Variants in CCDC178 observed in about 807,000 individuals in gnomAD.
CCDC178 encodes coiled-coil domain containing 178.
A neutral mutation model predicts 117.4 loss-of-function variants in CCDC178; 126 were observed. The observed-to-expected ratio is 1.07, with a 90% confidence interval of 0.93 to 1.24. CCDC178 has a LOEUF of 1.24. Ranked by LOEUF, CCDC178 falls within the 50% of genes most tolerant of loss-of-function variation. The pLI is 0.00. For missense variants in CCDC178, 1,030 were observed against 986.9 expected (o/e 1.04, Z -0.59); for synonymous variants, 283 against 313.4 (o/e 0.90, Z 1.02).
intron 4 of CCDC178, among the ~76,000 whole-genome samples, chr18:33,395,505 A>G (rs1411409105): frequency 6.6e-6 from 1 of 152,098 alleles, no homozygotes; most frequent in Non-Finnish European, 1.5e-5. Context: ...CACTAAATAT[A>G]CAAAAATAAA....
intron 5 of CCDC178, among the ~76,000 whole-genome samples, chr18:33,385,462 C>T (rs745420321): frequency 6.6e-6 from 1 of 152,030 alleles, no homozygotes; most frequent in Non-Finnish European, 1.5e-5. Flanking sequence ...ATAATTGGAA[C>T]TAAAACACTC....
chr18:33,323,635 T>C lies in CCDC178; in HGVS notation c.880-2A>G, dbSNP rs2145010701. 1 of 1,470,408 alleles carries C rather than the reference T, an allele frequency of 6.8e-7. No individual in the cohort carries two copies. Among genetic ancestry groups the C allele is most frequent in the Non-Finnish European group, 9.0e-7 (1 of 1,110,216 alleles). 91.1% of individuals were successfully genotyped at this position (1,470,408 alleles called of 1,614,324 possible). ...AACTTTTCTGTGTAGGTCCATTACC[T>C]AGAAATGAAAATATTTTTGCTTATA... is the stretch of plus-strand genomic sequence containing the variant. On this transcript the variant is annotated splice_acceptor_variant, in intron 10 of 22. Coordinates refer to ENST00000383096, the MANE Select transcript of CCDC178 (RefSeq NM_001105528.4). LOFTEE classifies it high-confidence loss of function.
chr18:33,440,824 T>G (rs868114058), upstream of CCDC178: 164 of 153,810 alleles, frequency 1.1e-3, no homozygotes, highest in South Asian at 3.2e-3. Flanking sequence ...GCTCGAGCCC[T>G]TAGCCCCCGA....
chr18:33,130,286 A>G (rs1055833499), intron 20 of CCDC178, among the ~76,000 whole-genome samples: 6 of 151,930 alleles, frequency 3.9e-5, no homozygotes, highest in African/African-American at 1.4e-4. Flanking sequence ...CAACTGTAGT[A>G]TTTTCATTTT....
chr18:33,323,856 T>A (rs1408760743), intron 10 of CCDC178, among the ~76,000 whole-genome samples: 1 of 151,808 alleles, frequency 6.6e-6, no homozygotes. Flanking sequence ...CAAGTTAACA[T>A]GTCCAAAATG....
At chr18:33,285,031 A>G (rs2060080887) in intron 12 of CCDC178, among the ~76,000 whole-genome samples, 1 of 152,150 alleles carries the variant, frequency 6.6e-6, no homozygotes, top group Non-Finnish European at 1.5e-5. Context: ...TTGTAACCAT[A>G]AAAGTACATA....
chr18:33,268,096 A>G (rs769667486), intron 12 of CCDC178, among the ~76,000 whole-genome samples: 2 of 151,826 alleles, frequency 1.3e-5, no homozygotes, highest in African/African-American at 4.8e-5. Flanking sequence ...TTCTCCCAAC[A>G]TTACTGTAAA....
chr18:33,294,621 A>G (rs1245818879), intron 11 of CCDC178, among the ~76,000 whole-genome samples: 2 of 152,186 alleles, frequency 1.3e-5, no homozygotes, highest in African/African-American at 2.4e-5. Flanking sequence ...GGCAAGAACA[A>G]CATTCTTTAC....
At chr18:33,358,710 G>A (rs986255885) in intron 6 of CCDC178, among the ~76,000 whole-genome samples, 22 of 151,710 alleles carry the variant, frequency 1.5e-4, no homozygotes, top group Admixed American at 9.2e-4. Flanking sequence ...TAGCATTGTG[G>A]TATGGAAATT....
At chr18:33,143,323 G>A (rs1362660387) in intron 20 of CCDC178, among the ~76,000 whole-genome samples, 1 of 152,066 alleles carries the variant, frequency 6.6e-6, no homozygotes, top group Non-Finnish European at 1.5e-5. Flanking sequence ...ACACATAGAA[G>A]CATCACAAAA....
chr18:33,238,950 T>G (rs969944144), intron 15 of CCDC178, among the ~76,000 whole-genome samples: 7 of 151,978 alleles, frequency 4.6e-5, no homozygotes, highest in African/African-American at 1.7e-4. Flanking sequence ...ATCTTTCAAA[T>G]CAGGAGATAA....
chr18:33,270,336 T>A (rs66560059), intron 12 of CCDC178, among the ~76,000 whole-genome samples: 10,422 of 151,622 alleles, frequency 0.069, 551 homozygotes, highest in African/African-American at 0.14. Context: ...AAATAAATAA[T>A]GGCTGAAAAC....
At chr18:33,170,987 G>A (rs2058592620) in intron 20 of CCDC178, among the ~76,000 whole-genome samples, 1 of 152,146 alleles carries the variant, frequency 6.6e-6, no homozygotes, top group Non-Finnish European at 1.5e-5. Context: ...GTTACCTGGA[G>A]AAAGACTCCT....
chr18:33,068,256 T>TA (rs1487121924), intron 21 of CCDC178, among the ~76,000 whole-genome samples: 2 of 152,110 alleles, frequency 1.3e-5, no homozygotes, highest in Non-Finnish European at 2.9e-5. Context: ...AAGAAGAACT[T>TA]ATAAAGAAGT....
chr18:33,153,920 G>T lies in CCDC178; in HGVS notation c.2238+57976C>A, dbSNP rs1002292500. ...GGAAAGATGATTTCATTGTTATTTTGTCTACTTTTTAGATTATCAGCAATG... is the reference window on the plus strand; with the variant it reads ...GGAAAGATGATTTCATTGTTATTTTTTCTACTTTTTAGATTATCAGCAATG... On this transcript the variant is annotated intron_variant, in intron 20 of 22. Transcript: ENST00000383096. Among the ~76,000 whole-genome samples, 5 of 151,914 alleles carry T rather than the reference G, an allele frequency of 3.3e-5. No homozygotes were observed. The South Asian group carries it at 1.0e-3, about 32-fold the overall frequency.
In CCDC178 at chr18:33,266,918, T is replaced by C; in HGVS notation, c.1407A>G (p.Glu469=). The part of the protein sequence containing the change: ...DINKITVKTN[E]SIRKKSKYES... Reference sequence around the variant, plus strand: ...AAGAAAAGTATTTGCAAATTTACCTTTCATTGGTTTTTACTGTTATTTTGT... The same window carrying C: ...AAGAAAAGTATTTGCAAATTTACCTCTCATTGGTTTTTACTGTTATTTTGT... The change falls in exon 14 of 23, where the codon GAA becomes GAG. Residue 469 remains glutamate, a splice_region_variant and synonymous_variant. Transcript: ENST00000383096. The C allele has an allele frequency of 3.8e-6, 6 of 1,565,180 alleles. No homozygotes were observed. The highest frequency in any genetic ancestry group is 4.3e-6 in the Non-Finnish European group (5 of 1,156,768).
chr18:33,022,773 T>C (rs1022961422), intron 21 of CCDC178, among the ~76,000 whole-genome samples: 3 of 152,048 alleles, frequency 2.0e-5, no homozygotes, highest in Non-Finnish European at 4.4e-5. Context: ...TCTAAGTATA[T>C]CAATTAGAAC....
At chr18:33,108,150 A>G (rs1366747410) in intron 20 of CCDC178, among the ~76,000 whole-genome samples, 1 of 151,618 alleles carries the variant, frequency 6.6e-6, no homozygotes, top group African/African-American at 2.4e-5. Context: ...ATCTTTAAGA[A>G]CATGGTTCAT....
chr18:32,990,104 A>T (rs2055358199), intron 21 of CCDC178, among the ~76,000 whole-genome samples: 1 of 152,126 alleles, frequency 6.6e-6, no homozygotes, highest in Admixed American at 6.5e-5. Context: ...AAATTGGAAG[A>T]CTTCTTTAAA....
Sources: gnomAD v4.1 joint callset for allele counts (sites outside exome capture counted in the v4.1 genomes callset) on GRCh38, gnomAD v4.1.1 for gene constraint, MANE v1.5 for transcripts, NCBI Gene and HGNC (gene_info 2026-07-23, HGNC 2026-07-21) for gene names.